CCNT2: variants seen among roughly 807,000 people sequenced by gnomAD.
CCNT2 encodes cyclin T2, also known as cyclin-T2.
CCNT2 carries 18 observed loss-of-function variants against 70.0 expected under a neutral mutation model. That is an observed-to-expected ratio of 0.26 (90% CI 0.18 to 0.38). The LOEUF (loss-of-function observed/expected upper bound fraction) is 0.38. Among genes scored for constraint, CCNT2 ranks in the 10% least tolerant of loss-of-function variants. CCNT2 has a pLI of 1.00. For synonymous variants in CCNT2, 334 were observed against 313.3 expected (o/e 1.07, Z -0.70); for missense variants, 734 against 890.2 (o/e 0.82, Z 2.23).
At chr2:134,951,275 CTCTATTAAT>C (rs1682478800) in intron 7 of CCNT2, among the ~76,000 whole-genome samples, 1 of 151,990 alleles carries the variant, frequency 6.6e-6, no homozygotes, top group African/African-American at 2.4e-5. Context: ...AACCTGTAGT[CTCTATTAAT>C]AGAGGTTCCC....
chr2:134,922,791 TTTTTTCTTATA>T (rs1358043964), intron 2 of CCNT2, among the ~76,000 whole-genome samples: 1 of 152,206 alleles, frequency 6.6e-6, no homozygotes, highest in East Asian at 1.9e-4. Context: ...GTGATGCATT[TTTTTTCTTATA>T]CCAGTTCCAG....
In CCNT2 at chr2:134,954,194, G is replaced by A; in HGVS notation, c.1739G>A (p.Ser580Asn). 1 of 1,614,156 alleles carries A rather than the reference G, an allele frequency of 6.2e-7. No homozygotes were observed. Among genetic ancestry groups the A allele is most frequent in the Non-Finnish European group, 8.5e-7 (1 of 1,180,032 alleles). Residue 580 changes from serine (S) to asparagine (N), a missense_variant, in exon 9 of 9, where the codon AGT (serine) becomes AAT (asparagine). Physicochemically the swap from Ser to Asn is conservative, Grantham distance 46. This residue lies in a region of CCNT2 where 532 missense variants were observed against 556.9 expected (regional missense o/e 0.96). Coordinates refer to ENST00000264157, the MANE Select transcript of CCNT2 (RefSeq NM_058241.3). ...TSSHKHSHSH[S>N]GSSSGGSKHS... ...AGCCACAAGCATTCCCACTCGCATA[G>A]TGGCAGCAGCAGCGGTGGCAGTAAA...
intron 5 of CCNT2, chr2:134,945,301 A>G (rs1460252817): frequency 1.0e-6 from 1 of 985,390 alleles, no homozygotes; most frequent in Non-Finnish European, 1.2e-6. Flanking sequence ...GGGGAAAGAT[A>G]TGTCAGTGCT....
chr2:134,935,533 C>T (rs1681084257), intron 2 of CCNT2, among the ~76,000 whole-genome samples: 1 of 152,166 alleles, frequency 6.6e-6, no homozygotes, highest in African/African-American at 2.4e-5. Context: ...ATTGTTGACG[C>T]CCCCTGCAAG....
chr2:134,927,824 A>G (rs1259797838), intron 2 of CCNT2, among the ~76,000 whole-genome samples: 2 of 151,932 alleles, frequency 1.3e-5, no homozygotes, highest in East Asian at 3.9e-4. Context: ...TCTCCTTACC[A>G]CTCTACATTT....
Position 134,919,799 on chromosome 2 carries a change from T to C in CCNT2, c.159-11T>C, listed in dbSNP as rs775351796. ...GCTTTTGTCAGATATTTCCTAAATA[T>C]TACGTTCCAGCTCTCAGCTTACAAT... On this transcript the variant is annotated splice_polypyrimidine_tract_variant and intron_variant, in intron 1 of 8. Transcript: ENST00000264157. 3.1e-6 allele frequency: 5 copies of C among 1,595,832 alleles called. No individual in the cohort carries two copies. The South Asian group carries it at 5.6e-5, about 18-fold the overall frequency.
At chr2:134,947,315 T>C (rs1400434177) in intron 6 of CCNT2, among the ~76,000 whole-genome samples, 1 of 152,192 alleles carries the variant, frequency 6.6e-6, no homozygotes, top group South Asian at 2.1e-4. Context: ...TATTGTGAGA[T>C]TGAAATTACT....
At chr2:134,919,514 G>C (rs1333704611) in intron 1 of CCNT2, among the ~76,000 whole-genome samples, 2 of 152,060 alleles carry the variant, frequency 1.3e-5, no homozygotes, top group African/African-American at 4.8e-5. Flanking sequence ...GTGTGTGCGC[G>C]CGCGTTTCAA....
chr2:134,923,005 G>T (rs1375487571), intron 2 of CCNT2, among the ~76,000 whole-genome samples: 1 of 152,146 alleles, frequency 6.6e-6, no homozygotes, highest in Non-Finnish European at 1.5e-5. Context: ...GTAGGGCCTG[G>T]CATGGTAGCT....
Position 134,918,850 on chromosome 2 carries a change from G to A in CCNT2, c.-5G>A, listed in dbSNP as rs774686197. ...AATGAAGGAGCGGGCGGAGGAGGAA[G>A]TGTCATGGCGTCGGGCCGTGGAGCT... On this transcript the variant is annotated 5_prime_UTR_variant, in exon 1 of 9. It adds an upstream start codon to the 5' untranslated region. Coordinates refer to ENST00000264157, the MANE Select transcript of CCNT2 (RefSeq NM_058241.3). The A allele has an allele frequency of 8.1e-6, 13 of 1,611,526 alleles. No homozygotes were observed. The highest frequency in any genetic ancestry group is 5.5e-5 in the South Asian group (5 of 90,854).
intron 7 of CCNT2, among the ~76,000 whole-genome samples, chr2:134,950,719 A>G (rs1280753130): frequency 6.6e-6 from 1 of 152,236 alleles, no homozygotes; most frequent in Non-Finnish European, 1.5e-5. Flanking sequence ...GAAATAATTC[A>G]CTTAATGATT....
chr2:134,940,797 T>C (rs1681526440), intron 4 of CCNT2, among the ~76,000 whole-genome samples: 1 of 152,202 alleles, frequency 6.6e-6, no homozygotes, highest in Non-Finnish European at 1.5e-5. Flanking sequence ...AAAGTGCCTC[T>C]AGTGATGCCA....
At chr2:134,940,402 G>A (rs1681489818) in intron 4 of CCNT2, among the ~76,000 whole-genome samples, 1 of 151,836 alleles carries the variant, frequency 6.6e-6, no homozygotes, top group African/African-American at 2.4e-5. Context: ...ATAGATATTA[G>A]TCTATTTTAT....
At chr2:134,934,213 CTTTAA>C (rs1459231703) in intron 2 of CCNT2, among the ~76,000 whole-genome samples, 1 of 152,120 alleles carries the variant, frequency 6.6e-6, no homozygotes, top group Non-Finnish European at 1.5e-5. Context: ...ACTTTTTTCC[CTTTAA>C]TTTGAGAACG....
At position 134,937,279 on chromosome 2, in the gene CCNT2, C is replaced by T. The variant is rs118066029; in HGVS notation, c.369+310C>T. Among the ~76,000 whole-genome samples the T allele has an allele frequency of 8.6e-3, 1,306 of 152,318 alleles. 11 individuals carry two copies. Among genetic ancestry groups the T allele is most frequent in the African/African-American group, 0.027 (1,126 of 41,574 alleles). On this transcript the variant is annotated intron_variant, in intron 3 of 8. Coordinates refer to ENST00000264157, the MANE Select transcript of CCNT2 (RefSeq NM_058241.3). ...TAGAGGGTAAGTCCTATCACCTCCG[C>T]TGGAAGCTGTATTTGAGACCAGAAT... is the stretch of plus-strand genomic sequence containing the variant.
Position 134,954,634 on chromosome 2 carries a change from G to T in CCNT2, c.2179G>T (p.Gly727Ter). 6.3e-7 allele frequency: 1 copy of T among 1,594,354 alleles called. No individual in the cohort carries two copies. Among genetic ancestry groups the T allele is most frequent in the East Asian group, 2.2e-5 (1 of 44,488 alleles). ...DMLDSLLSAQ[G>*]MNM ...GCTGGACTCACTGTTAAGTGCCCAAGGAATGAACATGTAATAATTTGTTTA... is the reference window on the plus strand; with the variant it reads ...GCTGGACTCACTGTTAAGTGCCCAATGAATGAACATGTAATAATTTGTTTA... The change falls in exon 9 of 9, where the codon GGA (glycine) becomes TGA (stop). Residue 727 changes from glycine to a stop codon, truncating the protein, a stop_gained. Coordinates refer to ENST00000264157, the MANE Select transcript of CCNT2 (RefSeq NM_058241.3). LOFTEE classifies it high-confidence loss of function.
intron 5 of CCNT2, chr2:134,944,778 A>G (rs1414853716): frequency 9.1e-6 from 9 of 985,320 alleles, no homozygotes; most frequent in Non-Finnish European, 1.1e-5. Flanking sequence ...CTCTTTTACA[A>G]CTTTTAGCTA....
At chr2:134,928,304 G>GTTTTTTT (rs1680456120) in intron 2 of CCNT2, among the ~76,000 whole-genome samples, 2 of 97,708 alleles carry the variant, frequency 2.0e-5, no homozygotes, top group East Asian at 7.0e-4. Flanking sequence ...CTGAGACGGA[G>GTTTTTTT]TTTCATTCTT....
At chr2:134,952,814 C>T in intron 8 of CCNT2, 103 bp downstream of exon 8, 1 of 806,758 alleles carries the variant, frequency 1.2e-6, no homozygotes, top group Non-Finnish European at 2.1e-6. Context: ...TGCAGTATTC[C>T]TGAATAATTC....
Sources: allele counts gnomAD v4.1 joint callset (sites outside exome capture counted in the v4.1 genomes callset), GRCh38; gene constraint gnomAD v4.1.1; regional missense constraint gnomAD v4.1.1; transcripts MANE v1.5; gene names NCBI Gene and HGNC (gene_info 2026-07-23, HGNC 2026-07-21).